The following MCCC1 variants were observed in gnomAD, a reference collection of about 807,000 sequenced individuals.
MCCC1 encodes methylcrotonoyl-CoA carboxylase subunit alpha, mitochondrial.
In MCCC1, 64 loss-of-function variants were observed where a neutral mutation model predicts 83.8. The observed-to-expected ratio is 0.76, with a 90% CI of 0.62 to 0.94. The LOEUF is 0.94. Among genes scored for constraint, MCCC1 ranks in the 40% least tolerant of loss-of-function variants. The pLI, the probability that MCCC1 is intolerant of heterozygous loss-of-function variation, is 0.00. For missense variants in MCCC1, 807 were observed against 904.7 expected (o/e 0.89, Z 1.39); for synonymous variants, 322 against 315.4 (o/e 1.02, Z -0.22).
At chr3:183,016,966 T>C in intron 18 of MCCC1, 1 of 430,668 alleles carries the variant, frequency 2.3e-6, no homozygotes, top group East Asian at 5.0e-5. Flanking sequence ...CAGTTAACAT[T>C]CAGTTGGATT....
intron 4 of MCCC1, among the ~76,000 whole-genome samples, 182 bp downstream of exon 4, chr3:183,086,511 T>C (rs1242012580): frequency 6.6e-6 from 1 of 152,192 alleles, no homozygotes; most frequent in Non-Finnish European, 1.5e-5. Context: ...GTACACAGGA[T>C]CCAGTAAAAA....
upstream of MCCC1, among the ~76,000 whole-genome samples, chr3:183,103,290 G>C (rs1361944725): frequency 6.6e-6 from 1 of 152,074 alleles, no homozygotes; most frequent in Non-Finnish European, 1.5e-5. Context: ...AGACCCGAGC[G>C]GGTTGGCACT....
chr3:183,061,071 C>T (rs949685159), intron 7 of MCCC1, among the ~76,000 whole-genome samples: 1 of 152,154 alleles, frequency 6.6e-6, no homozygotes, highest in African/African-American at 2.4e-5. Flanking sequence ...AAGGCCCCAA[C>T]CTCTTAATAC....
intron 3 of MCCC1, among the ~76,000 whole-genome samples, chr3:183,090,533 CTAATA>C (rs1306057123): frequency 1.3e-5 from 2 of 151,980 alleles, no homozygotes; most frequent in Non-Finnish European, 2.9e-5. Flanking sequence ...TCTCACTTAC[CTAATA>C]TTTTTTCATG....
At chr3:183,038,748 T>G (rs968281959) in intron 12 of MCCC1, among the ~76,000 whole-genome samples, 1 of 152,210 alleles carries the variant, frequency 6.6e-6, no homozygotes, top group Admixed American at 6.5e-5. Flanking sequence ...GTACCATGTA[T>G]AGCTGGCCTT....
chr3:183,051,944 T>C (rs534341579), intron 9 of MCCC1, among the ~76,000 whole-genome samples: 3 of 152,338 alleles, frequency 2.0e-5, no homozygotes, highest in African/African-American at 7.2e-5. Context: ...TTAAGACAAG[T>C]ACTGTTTAAT....
Position 183,071,248 on chromosome 3 carries a change from G to A in MCCC1, c.601C>T (p.Pro201Ser). ...CCCCGGACGGCTTTAATCATGACAG[G>A]ATAGCCAATTCTCCTGGCGTGTTCC... ...LKEHARRIGY[P>S]VMIKAVRGGG... Residue 201 changes from proline to serine, a missense_variant, in exon 6 of 19, where the codon CCT (proline) becomes TCT (serine). By Grantham distance (74) the Pro-to-Ser change is moderately conservative. Coordinates refer to ENST00000265594, the MANE Select transcript of MCCC1 (RefSeq NM_020166.5). 3 of 1,614,200 alleles carry A rather than the reference G, an allele frequency of 1.9e-6. No individual in the cohort carries two copies. The highest frequency in any genetic ancestry group is 2.5e-6 in the Non-Finnish European group (3 of 1,180,040).
In MCCC1 at chr3:183,015,401, G is replaced by A; in HGVS notation, c.*37C>T. On this transcript the variant is annotated 3_prime_UTR_variant, in exon 19 of 19. Coordinates refer to ENST00000265594, the MANE Select transcript of MCCC1 (RefSeq NM_020166.5). ...GCACTTCCTCTTTTTGGTGGAGAGAGAAGACACTACTTAACTGGCCATTTC... is the reference window on the plus strand; with the variant it reads ...GCACTTCCTCTTTTTGGTGGAGAGAAAAGACACTACTTAACTGGCCATTTC... The A allele has an allele frequency of 6.2e-7, 1 of 1,613,148 alleles. No individual in the cohort carries two copies. The highest frequency in any genetic ancestry group is 8.5e-7 in the Non-Finnish European group (1 of 1,179,282).
chr3:183,089,221 GA>G (rs1718137120), intron 3 of MCCC1, among the ~76,000 whole-genome samples: 1 of 152,146 alleles, frequency 6.6e-6, no homozygotes, highest in Non-Finnish European at 1.5e-5. Flanking sequence ...TTAAGAAGAG[GA>G]GTAACTTAAG....
intron 10 of MCCC1, among the ~76,000 whole-genome samples, chr3:183,042,051 C>T (rs1216783675): frequency 1.3e-5 from 2 of 152,176 alleles, no homozygotes; most frequent in African/African-American, 4.8e-5. Context: ...TAATCAAAAC[C>T]AAAACTTCTT....
chr3:183,035,694 G>A (rs1005273910), intron 13 of MCCC1, among the ~76,000 whole-genome samples: 2 of 151,826 alleles, frequency 1.3e-5, no homozygotes, highest in African/African-American at 4.8e-5. Context: ...ACTGTATAGG[G>A]TAATATAATA....
Position 183,041,601 on chromosome 3 carries a change from G to A in MCCC1, c.1233C>T (p.Asp411=), listed in dbSNP as rs140579569. The part of the protein sequence containing the change: ...PLVHLSTPRA[D]PSTRIETGVR... ...CTCCAGTTTCAATCCTGGTGGAAGG[G>A]TCTGCTCGAGGAGTAGAGAGGTGCA... Residue 411 remains aspartate, a synonymous_variant, in exon 11 of 19, where the codon GAC becomes GAT. Transcript: ENST00000265594. The A allele has an allele frequency of 1.3e-4, 211 of 1,613,982 alleles. No individual in the cohort carries two copies. Among genetic ancestry groups the A allele is most frequent in the Non-Finnish European group, 1.7e-4 (202 of 1,179,986 alleles).
intron 7 of MCCC1, among the ~76,000 whole-genome samples, chr3:183,069,141 T>C (rs1176271279): frequency 2.0e-5 from 3 of 152,196 alleles, no homozygotes; most frequent in African/African-American, 7.2e-5. Context: ...TACTGATGCC[T>C]ATTACAAGGA....
At chr3:183,111,338 C>T (rs983722353) in intron 1 of MCCC1, among the ~76,000 whole-genome samples, 5 of 151,978 alleles carry the variant, frequency 3.3e-5, no homozygotes, top group Non-Finnish European at 5.9e-5. Context: ...CTCACTCTGT[C>T]GCTCAGGCTG....
intron 7 of MCCC1, among the ~76,000 whole-genome samples, 195 bp from the exon 8 acceptor site, chr3:183,057,617 G>A (rs1715520248): frequency 6.6e-6 from 1 of 152,202 alleles, no homozygotes; most frequent in African/African-American, 2.4e-5. Context: ...GACGGCTCAT[G>A]CCCGTAATCC....
chr3:183,089,635 TTTGAG>T (rs997965995), intron 3 of MCCC1, among the ~76,000 whole-genome samples: 3 of 151,764 alleles, frequency 2.0e-5, no homozygotes, highest in Admixed American at 6.6e-5. Flanking sequence ...TGACTGTGGC[TTTGAG>T]TTAAGTTATA....
At chr3:183,026,731 A>AT (rs1235585332) in intron 14 of MCCC1, among the ~76,000 whole-genome samples, 1 of 152,164 alleles carries the variant, frequency 6.6e-6, no homozygotes, top group African/African-American at 2.4e-5. Context: ...AATGCAATGA[A>AT]TTGGTAAAGA....
intron 4 of MCCC1, among the ~76,000 whole-genome samples, chr3:183,073,208 G>A (rs1391075416): frequency 6.6e-6 from 1 of 152,032 alleles, no homozygotes; most frequent in African/African-American, 2.4e-5. Context: ...TGGAATTGCT[G>A]GATCATATGG....
intron 4 of MCCC1, among the ~76,000 whole-genome samples, chr3:183,079,387 C>T (rs1181128233): frequency 6.6e-6 from 1 of 152,126 alleles, no homozygotes; most frequent in Non-Finnish European, 1.5e-5. Context: ...AATAAAAGGG[C>T]TACAGGCTCC....
Sources: allele counts gnomAD v4.1 joint callset (sites outside exome capture counted in the v4.1 genomes callset), GRCh38; gene constraint gnomAD v4.1.1; transcripts MANE v1.5; gene names NCBI Gene and HGNC (gene_info 2026-07-23, HGNC 2026-07-21).